VPS39: variants seen among roughly 807,000 people sequenced by gnomAD.
VPS39 encodes VPS39 subunit of HOPS complex.
A neutral mutation model predicts 121.0 loss-of-function variants in VPS39; 70 were observed. The observed-to-expected ratio is 0.58, with a 90% confidence interval of 0.48 to 0.71. The LOEUF (loss-of-function observed/expected upper bound fraction) is 0.71, where lower values mean the gene tolerates loss of function less well. VPS39 is among the 30% of genes least tolerant of loss of function. The probability of loss-of-function intolerance (pLI) is 0.00; values close to 1 mark genes in which losing one functional copy is unlikely to be tolerated. For synonymous variants in VPS39, 378 were observed against 398.1 expected (o/e 0.95, Z 0.60); for missense variants, 818 against 1,051.5 (o/e 0.78, Z 3.07).
At chr15:42,169,056 A>G (rs530532893) in intron 12 of VPS39, among the ~76,000 whole-genome samples, 7 of 152,346 alleles carry the variant, frequency 4.6e-5, no homozygotes, top group East Asian at 1.9e-4. Context: ...GTATCTGTCT[A>G]TAACAGTAAA....
chr15:42,185,319 C>T (rs2049678842), intron 7 of VPS39, among the ~76,000 whole-genome samples: 1 of 151,954 alleles, frequency 6.6e-6, no homozygotes, highest in Non-Finnish European at 1.5e-5. Flanking sequence ...GCTGGAACTA[C>T]AGGCGTGTGC....
At chr15:42,204,343 T>G (rs2050125221) in intron 1 of VPS39, among the ~76,000 whole-genome samples, 1 of 152,178 alleles carries the variant, frequency 6.6e-6, no homozygotes, top group Non-Finnish European at 1.5e-5. Flanking sequence ...ACCCTGAAAT[T>G]TACATTTTAA....
At chr15:42,183,557 G>C (rs964940911) in intron 8 of VPS39, among the ~76,000 whole-genome samples, 2 of 152,048 alleles carry the variant, frequency 1.3e-5, no homozygotes, top group African/African-American at 4.8e-5. Flanking sequence ...TCCCAAATCG[G>C]CATGTCTTTC....
chr15:42,186,867 T>C (rs892902091), intron 7 of VPS39, among the ~76,000 whole-genome samples: 1 of 152,190 alleles, frequency 6.6e-6, no homozygotes, highest in African/African-American at 2.4e-5. Flanking sequence ...AGTACAAACA[T>C]ACAAAAAGAT....
chr15:42,169,334 G>A (rs1449723891), intron 12 of VPS39, among the ~76,000 whole-genome samples: 1 of 152,144 alleles, frequency 6.6e-6, no homozygotes, highest in Non-Finnish European at 1.5e-5. Context: ...TTGTATTTCT[G>A]CTTTGTACTT....
intron 2 of VPS39, among the ~76,000 whole-genome samples, chr15:42,195,853 G>A (rs1181030975): frequency 2.0e-5 from 3 of 152,174 alleles, no homozygotes; most frequent in Admixed American, 2.0e-4. Flanking sequence ...AAAAGAGCCT[G>A]CATTGCCAAG....
At chr15:42,179,406 A>G (rs1220894291) in intron 8 of VPS39, among the ~76,000 whole-genome samples, 2 of 141,394 alleles carry the variant, frequency 1.4e-5, no homozygotes, top group East Asian at 4.0e-4. Flanking sequence ...TGTCTCTACT[A>G]AAAAAAAAAA....
At chr15:42,205,950 C>T (rs148217613) in intron 1 of VPS39, among the ~76,000 whole-genome samples, 2 of 152,270 alleles carry the variant, frequency 1.3e-5, no homozygotes, top group Non-Finnish European at 2.9e-5. Context: ...AAGCTTTTGG[C>T]TTTAGTCAAA....
rs369967285 is a variant in VPS39 at position 42,177,162 on chromosome 15, T to TAAAA, written c.960+1052_960+1055dup. Reference sequence around the variant, plus strand: ...TGGGTGACAGAGTGAGACCCTGTTTTAAAAAAAAAAAAAAAAAAAAAAAAA... The same window carrying TAAAA: ...TGGGTGACAGAGTGAGACCCTGTTTTAAAAAAAAAAAAAAAAAAAAAAAAAAAAA... On this transcript the variant is annotated intron_variant, in intron 10 of 24. Transcript: ENST00000318006. 1.2e-4 allele frequency among the ~76,000 whole-genome samples: 7 copies of TAAAA among 56,402 alleles called. 2 individuals carry two copies. Among genetic ancestry groups the TAAAA allele is most frequent in the Admixed American group, 2.1e-4 (1 of 4,662 alleles). 37.0% of individuals were successfully genotyped at this position (56,402 alleles called of 152,430 possible).
At chr15:42,163,449 G>A in intron 20 of VPS39, 54 bp from the exon 21 acceptor site, 5 of 1,607,726 alleles carry the variant, frequency 3.1e-6, no homozygotes, top group Non-Finnish European at 3.4e-6. Flanking sequence ...ACATCTAAAT[G>A]AGAGGCTGTG....
intron 8 of VPS39, among the ~76,000 whole-genome samples, chr15:42,180,210 C>T (rs1039368711): frequency 4.1e-4 from 62 of 152,242 alleles, no homozygotes; most frequent in African/African-American, 1.5e-3. Flanking sequence ...GGATGGACTT[C>T]TCAGTGAAGG....
rs773805051 is a variant in VPS39 at position 42,178,085 on chromosome 15, C to T, written c.960+133G>A. 13 of 1,182,530 alleles carry T rather than the reference C, an allele frequency of 1.1e-5. No individual in the cohort carries two copies. The East Asian group carries it at 1.9e-4, about 17-fold the overall frequency. The allele number at this position is 1,182,530 out of a possible 1,614,324, so 73.3% of individuals were successfully genotyped here. On this transcript the variant is annotated intron_variant, in intron 10 of 24. Coordinates refer to ENST00000318006, the MANE Select transcript of VPS39 (RefSeq NM_015289.5). Reference sequence around the variant, plus strand: ...ATAGATATTTTACGGTGGAGTCAGACCTAGTATTCAAGGCCCTGGACTTTC... The same window carrying T: ...ATAGATATTTTACGGTGGAGTCAGATCTAGTATTCAAGGCCCTGGACTTTC...
chr15:42,192,966 G>A (rs566362844), intron 2 of VPS39, among the ~76,000 whole-genome samples: 1 of 152,024 alleles, frequency 6.6e-6, no homozygotes, highest in Non-Finnish European at 1.5e-5. Flanking sequence ...TTTTAGTAGA[G>A]ACAGGGTTTC....
At chr15:42,190,442 C>A (rs1305541289) in intron 4 of VPS39, among the ~76,000 whole-genome samples, 1 of 152,140 alleles carries the variant, frequency 6.6e-6, no homozygotes, top group Non-Finnish European at 1.5e-5. Context: ...AGCTGCTAGT[C>A]CCCTGCATGT....
chr15:42,162,764 T>G (rs1244272234), intron 21 of VPS39: 3 of 294,572 alleles, frequency 1.0e-5, no homozygotes, highest in African/African-American at 6.5e-5. Context: ...TCAAAAAGAT[T>G]CCTCATTTCC....
chr15:42,164,409 T>A lies in VPS39; in HGVS notation c.1975A>T (p.Ile659Phe). The A allele has an allele frequency of 6.2e-7, 1 of 1,614,096 alleles. No homozygotes were observed. Among genetic ancestry groups the A allele is most frequent in the South Asian group, 1.1e-5 (1 of 91,078 alleles). Residue 659 changes from isoleucine (I) to phenylalanine (F), a missense_variant, in exon 19 of 25, where the codon ATT (isoleucine) becomes TTT (phenylalanine). Physicochemically the swap from Ile to Phe is conservative, Grantham distance 21 (BLOSUM62 0). Coordinates refer to ENST00000318006, the MANE Select transcript of VPS39 (RefSeq NM_015289.5). Reference sequence around the variant, plus strand: ...CGGCCTGGATCATAGTAGCTGGAAATCTCCAAGAACATGAGGAGCTTTTGC... The same window carrying A: ...CGGCCTGGATCATAGTAGCTGGAAAACTCCAAGAACATGAGGAGCTTTTGC... ...YRQKLLMFLEISSYYDPGRLI... is the reference protein window; with the variant it reads ...YRQKLLMFLEFSSYYDPGRLI...
In VPS39 at chr15:42,166,636, G is replaced by A. The variant is rs369489992; in HGVS notation, c.1533C>T (p.Leu511=). ...KGLHEKALQV[L]VDQSKKANSP... The stretch of plus-strand genomic sequence containing the variant: ...AGTTGGCTTTCTTGGACTGGTCCAC[G>A]AGCACCTGCAGAGCTGGCCACCAAG... Residue 511 remains leucine, a synonymous_variant, in exon 15 of 25, where the codon CTC becomes CTT. Transcript: ENST00000318006. 96 of 1,614,102 alleles carry A rather than the reference G, an allele frequency of 5.9e-5. No homozygotes were observed. The highest frequency in any genetic ancestry group is 4.0e-4 in the South Asian group (36 of 91,068).
intron 1 of VPS39, among the ~76,000 whole-genome samples, chr15:42,207,449 T>C (rs921581632): frequency 5.3e-5 from 8 of 152,204 alleles, no homozygotes; most frequent in Admixed American, 5.2e-4. Flanking sequence ...CCAAAAGGAC[T>C]ATGCTAGTTT....
At chr15:42,178,685 C>A in intron 8 of VPS39, 115 bp from the exon 9 acceptor site, 1 of 1,428,720 alleles carries the variant, frequency 7.0e-7, no homozygotes. Context: ...GTCCCCTAGT[C>A]AAATATCAAG....
Sources: gnomAD v4.1 joint callset for allele counts (sites outside exome capture counted in the v4.1 genomes callset) on GRCh38, gnomAD v4.1.1 for gene constraint, MANE v1.5 for transcripts, NCBI Gene and HGNC (gene_info 2026-07-23, HGNC 2026-07-21) for gene names.